MTMR3: variants seen among roughly 807,000 people sequenced by gnomAD.
The protein encoded by MTMR3 is myotubularin related protein 3, also known as phosphatidylinositol-3,5-bisphosphate 3-phosphatase MTMR3.
Under a neutral mutation model 132.4 loss-of-function variants are expected in MTMR3, and 32 were observed. The observed-to-expected ratio is 0.24, with a 90% CI of 0.18 to 0.32. The LOEUF (loss-of-function observed/expected upper bound fraction) is 0.32. Ranked by LOEUF, MTMR3 falls within the 10% of genes least tolerant of loss-of-function variation. MTMR3 has a pLI of 1.00. For synonymous variants in MTMR3, 556 were observed against 550.3 expected, an observed-to-expected ratio of 1.01 and a Z score of -0.14; for missense variants, 1,216 against 1,489.6, an observed-to-expected ratio of 0.82 and a Z score of 3.02.
intron 1 of MTMR3, 137 bp downstream of exon 1, chr22:29,883,496 G>C (rs960134471): frequency 6.6e-6 from 1 of 152,406 alleles, no homozygotes; most frequent in African/African-American, 2.4e-5. Context: ...TGGGGACTGC[G>C]TGCGGGGCCC....
intron 14 of MTMR3, 111 bp downstream of exon 14, chr22:30,013,652 T>A: frequency 9.4e-7 from 1 of 1,068,944 alleles, no homozygotes; most frequent in Non-Finnish European, 1.3e-6. Context: ...TTAATAGAGG[T>A]GATTTTTTTC....
intron 7 of MTMR3, chr22:29,995,996 C>A (rs1441930735): frequency 3.3e-5 from 5 of 152,018 alleles, no homozygotes; most frequent in Admixed American, 3.3e-4. Context: ...GAAATGCTTT[C>A]AAAAAAATAA....
intron 2 of MTMR3, among the ~76,000 whole-genome samples, 151 bp downstream of exon 2, chr22:29,957,239 A>G (rs1338255858): frequency 1.4e-5 from 2 of 139,768 alleles, no homozygotes; most frequent in Non-Finnish European, 3.0e-5. Flanking sequence ...TTCTATGTTC[A>G]CTTTAATGTC....
chr22:30,016,827 A>G, intron 15 of MTMR3, 129 bp downstream of exon 15: 1 of 1,106,416 alleles, frequency 9.0e-7, no homozygotes, highest in Non-Finnish European at 1.3e-6. Context: ...GACTGGTTCC[A>G]TTTTTCCCCC....
intron 1 of MTMR3, among the ~76,000 whole-genome samples, chr22:29,938,996 AT>A (rs1447221163): frequency 6.6e-6 from 1 of 151,730 alleles, no homozygotes; most frequent in Non-Finnish European, 1.5e-5. Context: ...TAATTTTTGT[AT>A]TTTTAGTAGA....
At chr22:29,977,003 G>A (rs1326851951) in intron 3 of MTMR3, among the ~76,000 whole-genome samples, 1 of 152,028 alleles carries the variant, frequency 6.6e-6, no homozygotes, top group Non-Finnish European at 1.5e-5. Flanking sequence ...AAAAATTGCT[G>A]TGTGGGGCCA....
intron 3 of MTMR3, among the ~76,000 whole-genome samples, chr22:29,972,112 A>G (rs967143177): frequency 3.3e-5 from 5 of 152,236 alleles, no homozygotes; most frequent in Non-Finnish European, 7.3e-5. Flanking sequence ...TTACAACTTT[A>G]TGATTTATCT....
chr22:29,910,876 A>G (rs1295917454), intron 1 of MTMR3, among the ~76,000 whole-genome samples: 2 of 152,190 alleles, frequency 1.3e-5, no homozygotes, highest in African/African-American at 4.8e-5. Context: ...TTCTGTAATT[A>G]TAAGTTAGTG....
intron 8 of MTMR3, chr22:30,000,536 G>A (rs1045164999): frequency 3.9e-5 from 6 of 151,966 alleles, no homozygotes; most frequent in African/African-American, 4.8e-5. Context: ...ATCATTCTGC[G>A]GTCCTCTTAG....
Position 30,026,051 on chromosome 22 carries a change from T to A in MTMR3, c.*250T>A. The A allele has an allele frequency of 2.6e-6, 1 of 379,752 alleles. No homozygotes were observed. The highest frequency in any genetic ancestry group is 4.7e-6 in the Non-Finnish European group (1 of 210,938). The allele number at this position is 379,752 out of a possible 1,614,324, so 23.5% of individuals were successfully genotyped here. ...AAACTTTCCCTTGGTTGTCTTAATT[T>A]TTTTTTTTTTTGATGGAAGACCAAG... On this transcript the variant is annotated 3_prime_UTR_variant, in exon 20 of 20. Coordinates refer to ENST00000401950, the MANE Select transcript of MTMR3 (RefSeq NM_021090.4).
At chr22:29,900,965 G>A (rs1175820460) in intron 1 of MTMR3, among the ~76,000 whole-genome samples, 2 of 152,184 alleles carry the variant, frequency 1.3e-5, no homozygotes, top group African/African-American at 4.8e-5. Flanking sequence ...GGGATTACAG[G>A]TGTGAGCCAC....
chr22:29,934,198 C>T (rs952208021), intron 1 of MTMR3, among the ~76,000 whole-genome samples: 1 of 151,990 alleles, frequency 6.6e-6, no homozygotes, highest in Non-Finnish European at 1.5e-5. Context: ...ACTAAAAATA[C>T]AAAAAATTAG....
At chr22:29,939,229 ATTT>A in intron 1 of MTMR3, among the ~76,000 whole-genome samples, 1 of 152,310 alleles carries the variant, frequency 6.6e-6, no homozygotes, top group East Asian at 1.9e-4. Flanking sequence ...TTACAATGGT[ATTT>A]TTGTGTCCTA....
chr22:29,911,864 A>G (rs961366063), intron 1 of MTMR3, among the ~76,000 whole-genome samples: 1 of 152,210 alleles, frequency 6.6e-6, no homozygotes, highest in African/African-American at 2.4e-5. Context: ...ATTTATGCCT[A>G]TACAGTGTAG....
At chr22:29,993,167 A>G (rs8139217) in intron 7 of MTMR3, 1 of 152,158 alleles carries the variant, frequency 6.6e-6, no homozygotes, top group Non-Finnish European at 1.5e-5. Flanking sequence ...GGCTAGCAGA[A>G]TCCTGTCACC....
At chr22:29,963,773 G>A (rs1351310893) in intron 2 of MTMR3, among the ~76,000 whole-genome samples, 2 of 151,578 alleles carry the variant, frequency 1.3e-5, no homozygotes, top group African/African-American at 4.9e-5. Flanking sequence ...ATGGACATTT[G>A]GTTTCAGTGA....
intron 1 of MTMR3, among the ~76,000 whole-genome samples, chr22:29,892,083 G>A (rs1031872173): frequency 5.3e-5 from 8 of 152,064 alleles, no homozygotes; most frequent in South Asian, 2.1e-4. Context: ...AACCCAGGAG[G>A]CGGAGGTTGC....
chr22:29,946,021 T>TTGTG (rs57792760), intron 1 of MTMR3, among the ~76,000 whole-genome samples: 143 of 150,772 alleles, frequency 9.5e-4, no homozygotes, highest in East Asian at 5.3e-3. Flanking sequence ...GTGTATATAT[T>TTGTG]TGTGTGTGTG....
chr22:30,004,861 T>C (rs1270243563), intron 9 of MTMR3: 1 of 152,274 alleles, frequency 6.6e-6, no homozygotes, highest in Non-Finnish European at 1.5e-5. Flanking sequence ...TAGTTGTCTG[T>C]AGATTGGGTC....
Sources: allele counts gnomAD v4.1 joint callset (sites outside exome capture counted in the v4.1 genomes callset), GRCh38; gene constraint gnomAD v4.1.1; transcripts MANE v1.5; gene names NCBI Gene and HGNC (gene_info 2026-07-23, HGNC 2026-07-21).